Variants in ZNF609 observed in about 807,000 individuals in gnomAD.
The protein encoded by ZNF609 is zinc finger protein 609.
ZNF609 carries 11 observed loss-of-function variants against 109.5 expected under a neutral mutation model. That is an observed-to-expected ratio of 0.10 (90% CI 0.06 to 0.17). The LOEUF (loss-of-function observed/expected upper bound fraction) is 0.17. Ranked by LOEUF, ZNF609 falls within the 10% of genes least tolerant of loss-of-function variation. The pLI is 1.00. For synonymous variants in ZNF609, 646 were observed against 662.0 expected, an observed-to-expected ratio of 0.98 and a Z score of 0.37; for missense variants, 1,559 against 1,772.4, an observed-to-expected ratio of 0.88 and a Z score of 2.16.
At chr15:64,596,777 G>A (rs902414804) in intron 2 of ZNF609, among the ~76,000 whole-genome samples, 1 of 152,122 alleles carries the variant, frequency 6.6e-6, no homozygotes, top group African/African-American at 2.4e-5. Context: ...TTGTTAAATG[G>A]TTGGGTTCTG....
intron 3 of ZNF609, among the ~76,000 whole-genome samples, chr15:64,643,034 G>A (rs1414122014): frequency 3.9e-5 from 6 of 152,010 alleles, no homozygotes; most frequent in Admixed American, 2.6e-4. Flanking sequence ...AGGAAATAGC[G>A]CTCATAAATG....
intron 1 of ZNF609, among the ~76,000 whole-genome samples, chr15:64,492,495 A>G (rs1369735120): frequency 6.6e-6 from 1 of 152,164 alleles, no homozygotes; most frequent in Non-Finnish European, 1.5e-5. Flanking sequence ...CATACACTAG[A>G]ACCTTATAAG....
At chr15:64,668,952 CAAAAAAA>C (rs538954402) in intron 3 of ZNF609, among the ~76,000 whole-genome samples, 384 of 34,948 alleles carry the variant, frequency 0.011, no homozygotes, top group East Asian at 0.015. Context: ...AACTCCGTCT[CAAAAAAA>C]AAAAAAAAAA....
chr15:64,648,265 C>T (rs764397959), intron 3 of ZNF609, among the ~76,000 whole-genome samples: 3 of 152,134 alleles, frequency 2.0e-5, no homozygotes, highest in South Asian at 2.1e-4. Context: ...ACAGGAGGAT[C>T]GCTTGAGCCC....
chr15:64,671,660 T>C (rs936897397), intron 4 of ZNF609, among the ~76,000 whole-genome samples: 7 of 152,200 alleles, frequency 4.6e-5, no homozygotes, highest in Non-Finnish European at 8.8e-5. Context: ...CGTCAGGGTT[T>C]GGGAAATCCA....
intron 2 of ZNF609, among the ~76,000 whole-genome samples, chr15:64,566,863 C>T (rs1595720789): frequency 6.6e-6 from 1 of 152,154 alleles, no homozygotes; most frequent in African/African-American, 2.4e-5. Flanking sequence ...CTGGAGGCCA[C>T]CATTCTCTTC....
chr15:64,475,755 T>C (rs1893160796), intron 1 of ZNF609, among the ~76,000 whole-genome samples: 1 of 152,116 alleles, frequency 6.6e-6, no homozygotes. Context: ...TTTAAGCTCG[T>C]GAGATACCTG....
At chr15:64,614,539 G>A (rs1408438280) in intron 2 of ZNF609, among the ~76,000 whole-genome samples, 7 of 151,942 alleles carry the variant, frequency 4.6e-5, no homozygotes, top group East Asian at 1.9e-4. Context: ...GGCCTTTTCT[G>A]TATTTCAAGA....
In ZNF609 at chr15:64,681,780, A is replaced by G. The variant is rs752061745; in HGVS notation, c.*94A>G. ...AAGGTGCCGTTTAGACATCAGTTAA[A>G]TGGTGTTGATCATCCTGTTTGCCGT... On this transcript the variant is annotated 3_prime_UTR_variant, in exon 10 of 10. Coordinates refer to ENST00000326648, the MANE Select transcript of ZNF609 (RefSeq NM_015042.2). The G allele has an allele frequency of 3.5e-5, 6 of 169,800 alleles. No homozygotes were observed. The Admixed American group carries it at 3.6e-4, about 10-fold the overall frequency. 10.5% of individuals were successfully genotyped at this position (169,800 alleles called of 1,614,324 possible). A position where few individuals can be genotyped will look rare whatever the true frequency, so the allele number is the denominator to read the frequency against.
chr15:64,642,009 G>A (rs1268199637), intron 3 of ZNF609, among the ~76,000 whole-genome samples: 2 of 152,114 alleles, frequency 1.3e-5, no homozygotes, highest in African/African-American at 4.8e-5. Flanking sequence ...AGGATGAATG[G>A]TTTGCCAGGA....
intron 3 of ZNF609, among the ~76,000 whole-genome samples, chr15:64,652,689 A>G (rs1346587182): frequency 6.6e-6 from 1 of 152,016 alleles, no homozygotes; most frequent in African/African-American, 2.4e-5. Context: ...TGCCTGGCCA[A>G]CACTTGGCTT....
chr15:64,613,333 A>G lies in ZNF609; in HGVS notation c.748-9494A>G, dbSNP rs2140962873. The stretch of plus-strand genomic sequence containing the variant: ...CAGAAAAAAAACGAAGAAGAAGAAG[A>G]AAGAAAAGGACCCGAATTTCCTCCA... On this transcript the variant is annotated intron_variant, in intron 2 of 9. Coordinates refer to ENST00000326648, the MANE Select transcript of ZNF609 (RefSeq NM_015042.2). Among the ~76,000 whole-genome samples, 2 of 152,104 alleles carry G rather than the reference A, an allele frequency of 1.3e-5. 1 individual carries two copies. Among genetic ancestry groups the G allele is most frequent in the South Asian group, 4.2e-4 (2 of 4,808 alleles).
At chr15:64,583,634 G>A (rs1895148097) in intron 2 of ZNF609, among the ~76,000 whole-genome samples, 1 of 152,156 alleles carries the variant, frequency 6.6e-6, no homozygotes, top group Non-Finnish European at 1.5e-5. Context: ...TGCTGTGAGT[G>A]TTTCATTTCA....
At chr15:64,505,183 A>G (rs1247222854) in intron 2 of ZNF609, among the ~76,000 whole-genome samples, 2 of 152,234 alleles carry the variant, frequency 1.3e-5, no homozygotes, top group Non-Finnish European at 1.5e-5. Flanking sequence ...CCTGTTATTT[A>G]TAAAGAAGGA....
At chr15:64,571,473 A>G (rs1257736713) in intron 2 of ZNF609, among the ~76,000 whole-genome samples, 2 of 151,954 alleles carry the variant, frequency 1.3e-5, no homozygotes, top group African/African-American at 4.8e-5. Flanking sequence ...TTGTACTTTT[A>G]TATTTTTATA....
At chr15:64,582,090 G>A (rs1433952425) in intron 2 of ZNF609, among the ~76,000 whole-genome samples, 2 of 151,992 alleles carry the variant, frequency 1.3e-5, no homozygotes, top group Non-Finnish European at 2.9e-5. Flanking sequence ...CCTCTATCCT[G>A]TCTCAGCTAC....
chr15:64,574,163 C>T (rs971250533), intron 2 of ZNF609, among the ~76,000 whole-genome samples: 1 of 127,580 alleles, frequency 7.8e-6, no homozygotes, highest in Non-Finnish European at 1.6e-5. Flanking sequence ...ATTTCTCTTT[C>T]ATGCTGGATT....
chr15:64,633,099 GTTT>G (rs1444977996), intron 3 of ZNF609, among the ~76,000 whole-genome samples: 2 of 149,876 alleles, frequency 1.3e-5, no homozygotes, highest in Non-Finnish European at 1.5e-5. Flanking sequence ...ATAAAGTATT[GTTT>G]TGTTTTTTTT....
chr15:64,648,619 T>G (rs1305656119), intron 3 of ZNF609, among the ~76,000 whole-genome samples: 1 of 151,968 alleles, frequency 6.6e-6, no homozygotes, highest in African/African-American at 2.4e-5. Context: ...TCCTCGTCTG[T>G]AAAATGGGAA....
Sources: gnomAD v4.1 joint callset for allele counts (sites outside exome capture counted in the v4.1 genomes callset) on GRCh38, gnomAD v4.1.1 for gene constraint, MANE v1.5 for transcripts, NCBI Gene and HGNC (gene_info 2026-07-23, HGNC 2026-07-21) for gene names.